The following USP35 variants were observed in gnomAD, a reference collection of about 807,000 sequenced individuals.
The protein encoded by USP35 is ubiquitin carboxyl-terminal hydrolase 35.
USP35 carries 69 observed loss-of-function variants against 83.8 expected under a neutral mutation model. The ratio of observed to expected loss-of-function variants is 0.82; its 90% CI spans 0.68 to 1.01. USP35 has a LOEUF of 1.01. Ranked by LOEUF, USP35 falls within the 50% of genes least tolerant of loss-of-function variation. The pLI, the probability that USP35 is intolerant of heterozygous loss-of-function variation, is 0.00. For synonymous variants in USP35, 714 were observed against 589.5 expected, an observed-to-expected ratio of 1.21 and a Z score of -3.06; for missense variants, 1,503 against 1,362.5, an observed-to-expected ratio of 1.10 and a Z score of -1.62.
downstream of USP35, chr11:78,218,916 A>C: frequency 4.8e-6 from 1 of 208,864 alleles, no homozygotes; most frequent in Admixed American, 5.6e-5. Flanking sequence ...TGAGGTGTGG[A>C]ATCTGGCTCA....
chr11:78,203,881 A>ATTT (rs1863441401), intron 6 of USP35, among the ~76,000 whole-genome samples: 2 of 98,696 alleles, frequency 2.0e-5, no homozygotes, highest in African/African-American at 4.0e-5. Context: ...CCCAGCCCAT[A>ATTT]TTTTTCTTTT....
At chr11:78,223,630 T>A in the USP35 span, 1 of 1,612,566 alleles carries the variant, frequency 6.2e-7, no homozygotes. Flanking sequence ...CACATAGTTG[T>A]CTTCAGAATT....
Position 78,199,664 on chromosome 11 carries a change from C to T in USP35, c.876C>T (p.Gly292=). 1 of 1,614,210 alleles carries T rather than the reference C, an allele frequency of 6.2e-7. No individual in the cohort carries two copies. The highest frequency in any genetic ancestry group is 8.5e-7 in the Non-Finnish European group (1 of 1,180,030). ...AGTGGATCATTGCACTGCTGAAGGG[C>T]CTGGCTGCTGTTAAGAAGTTCAGCA... ...IDKWIIALLK[G]LAAVKKFSIL... The change falls in exon 4 of 11, where the codon GGC becomes GGT. Residue 292 remains glycine (G), a synonymous_variant. Coordinates refer to ENST00000529308, the MANE Select transcript of USP35 (RefSeq NM_020798.4).
the USP35 span, among the ~76,000 whole-genome samples, chr11:78,233,478 C>T: frequency 9.9e-5 from 15 of 152,086 alleles, no homozygotes; most frequent in African/African-American, 3.6e-4. Flanking sequence ...AGAATCTATT[C>T]ACATTTTTTG....
chr11:78,201,946 C>T (rs1442499472), intron 6 of USP35, among the ~76,000 whole-genome samples: 2 of 152,034 alleles, frequency 1.3e-5, no homozygotes, highest in Non-Finnish European at 2.9e-5. Flanking sequence ...GCACAGCAGA[C>T]GAGATAACCT....
chr11:78,207,669 C>A, intron 8 of USP35, 46 bp downstream of exon 8: 1 of 1,575,514 alleles, frequency 6.3e-7, no homozygotes, highest in South Asian at 1.1e-5. Flanking sequence ...CAGCTCTGGT[C>A]AGGCCCCGAC....
the USP35 span, chr11:78,221,745 G>A: frequency 5.0e-6 from 8 of 1,613,456 alleles, no homozygotes; most frequent in South Asian, 6.6e-5. Context: ...GAGATGGGGC[G>A]GCAGTACTGG....
At chr11:78,193,637 C>T (rs1172277130) in intron 1 of USP35, among the ~76,000 whole-genome samples, 1 of 152,136 alleles carries the variant, frequency 6.6e-6, no homozygotes, top group Non-Finnish European at 1.5e-5. Flanking sequence ...TCTGAAGCAA[C>T]AGGAGTTGAC....
chr11:78,236,395 C>T, the USP35 span, among the ~76,000 whole-genome samples: 2 of 152,182 alleles, frequency 1.3e-5, no homozygotes, highest in Non-Finnish European at 2.9e-5. Flanking sequence ...CAGGTATCCA[C>T]CTGCCTCAGC....
At chr11:78,192,379 C>T (rs1181862140) in intron 1 of USP35, among the ~76,000 whole-genome samples, 1 of 152,240 alleles carries the variant, frequency 6.6e-6, no homozygotes, top group African/African-American at 2.4e-5. Flanking sequence ...CCTGCTTTGC[C>T]AAGGCCATGT....
the USP35 span, among the ~76,000 whole-genome samples, chr11:78,227,412 A>G: frequency 6.6e-6 from 1 of 152,196 alleles, no homozygotes; most frequent in Non-Finnish European, 1.5e-5. Flanking sequence ...ATGACAGGAA[A>G]CAGCAAACAA....
intron 3 of USP35, 138 bp from the exon 4 acceptor site, chr11:78,199,457 C>G: frequency 7.6e-7 from 1 of 1,322,182 alleles, no homozygotes; most frequent in Non-Finnish European, 1.0e-6. Context: ...TCTGGTTCAG[C>G]CCACAGACCC....
intron 3 of USP35, 134 bp from the exon 4 acceptor site, chr11:78,199,461 C>T: frequency 7.3e-7 from 1 of 1,368,988 alleles, no homozygotes; most frequent in Non-Finnish European, 1.0e-6. Flanking sequence ...GTTCAGCCCA[C>T]AGACCCCGGG....
chr11:78,212,251 G>C (rs1863812085), intron 10 of USP35, among the ~76,000 whole-genome samples: 1 of 152,114 alleles, frequency 6.6e-6, no homozygotes, highest in Non-Finnish European at 1.5e-5. Flanking sequence ...TTGTAGGTGT[G>C]GAGTCTTATT....
rs978026585 is a variant in USP35 at position 78,205,810 on chromosome 11, C to T, written c.1198-32C>T. On this transcript the variant is annotated intron_variant, in intron 6 of 10. Transcript: ENST00000529308. Reference sequence around the variant, plus strand: ...TTTTTTGAGCTGACCCTGGTGCCCACCATCCTGCCTGCCTGCTTATTCCCT... The same window carrying T: ...TTTTTTGAGCTGACCCTGGTGCCCATCATCCTGCCTGCCTGCTTATTCCCT... The T allele has an allele frequency of 6.3e-6, 10 of 1,583,444 alleles. No homozygotes were observed. In the African/African-American group the frequency reaches 1.3e-4, roughly 21 times the overall value.
Position 78,210,290 on chromosome 11 carries a change from CTT to C in USP35, c.2437_2438del (p.Phe813ArgfsTer13), listed in dbSNP as rs772697846. The C allele has an allele frequency of 6.2e-7, 1 of 1,614,098 alleles. No individual in the cohort carries two copies. The highest frequency in any genetic ancestry group is 1.1e-5 in the South Asian group (1 of 91,084). ...CTCATCCTCACACTGCTGCGCTTCTCTTTCGACCTGCGCACCATGCGGCGCCG... is the reference window on the plus strand; with the variant it reads ...CTCATCCTCACACTGCTGCGCTTCTCTCGACCTGCGCACCATGCGGCGCCG... On this transcript the variant is annotated frameshift_variant, in exon 10 of 11. Coordinates refer to ENST00000529308, the MANE Select transcript of USP35 (RefSeq NM_020798.4). LOFTEE classifies it high-confidence loss of function.
the USP35 span, among the ~76,000 whole-genome samples, chr11:78,224,840 A>G: frequency 6.6e-6 from 1 of 152,024 alleles, no homozygotes; most frequent in South Asian, 2.1e-4. Flanking sequence ...GCCTGGGTCT[A>G]TTGCATTCTA....
Position 78,209,979 on chromosome 11 carries a change from A to AG in USP35, c.2125dup (p.Glu709GlyfsTer20). 6.2e-7 allele frequency: 1 copy of AG among 1,612,680 alleles called. No individual in the cohort carries two copies. The stretch of plus-strand genomic sequence containing the variant: ...CCAGAGGGGAAGGAGAGAGGGAGAA[A>AG]GAGGAGGAGGTGGAAGAGGAAGAAG... On this transcript the variant is annotated frameshift_variant, in exon 10 of 11. Transcript: ENST00000529308. LOFTEE classifies it high-confidence loss of function.
chr11:78,222,689 T>C, the USP35 span, among the ~76,000 whole-genome samples: 1 of 152,160 alleles, frequency 6.6e-6, no homozygotes, highest in African/African-American at 2.4e-5. Context: ...TTCAAGTGAT[T>C]CTCCTGCCTC....
Sources: allele counts gnomAD v4.1 joint callset (sites outside exome capture counted in the v4.1 genomes callset), GRCh38; gene constraint gnomAD v4.1.1; transcripts MANE v1.5; gene names NCBI Gene and HGNC (gene_info 2026-07-23, HGNC 2026-07-21).